Variants in TARS2 observed in about 807,000 individuals in gnomAD.
TARS2 encodes the protein threonine--tRNA ligase, mitochondrial.
TARS2 carries 61 observed loss-of-function variants against 94.4 expected under a neutral mutation model. The observed-to-expected ratio is 0.65, with a 90% CI of 0.53 to 0.80. TARS2 has a LOEUF of 0.80. TARS2 is among the 30% of genes least tolerant of loss of function. The pLI is 0.00. For missense variants in TARS2, 704 were observed against 902.5 expected, an observed-to-expected ratio of 0.78 and a Z score of 2.82; for synonymous variants, 359 against 353.4, an observed-to-expected ratio of 1.02 and a Z score of -0.18.
chr1:150,496,390 G>C, intron 7 of TARS2, 92 bp from the exon 8 acceptor site: 1 of 1,458,620 alleles, frequency 6.9e-7, no homozygotes, highest in Non-Finnish European at 9.2e-7. Context: ...GCATACCTGT[G>C]ACACTTAACA....
intron 7 of TARS2, among the ~76,000 whole-genome samples, chr1:150,495,902 A>G (rs888418240): frequency 2.0e-5 from 3 of 151,508 alleles, no homozygotes; most frequent in East Asian, 1.9e-4. Context: ...TTGTATTTTT[A>G]GTAGAGACGG....
chr1:150,496,463 C>T lies in TARS2; in HGVS notation c.775-19C>T, dbSNP rs774499614. The T allele has an allele frequency of 1.9e-6, 3 of 1,577,164 alleles. No individual in the cohort carries two copies. Among genetic ancestry groups the T allele is most frequent in the Admixed American group, 3.6e-5 (2 of 54,870 alleles). ...CTTCAGTCCTCATCTTTCCTTTGAT[C>T]CCCTATGTCCTCACACAGAACTCAT... On this transcript the variant is annotated intron_variant, in intron 7 of 17. Coordinates refer to ENST00000369064, the MANE Select transcript of TARS2 (RefSeq NM_025150.5).
rs778842262 is a variant in TARS2, at chr1:150,497,701, A to G, written c.1192A>G (p.Ile398Val). The G allele has an allele frequency of 1.2e-6, 2 of 1,614,074 alleles. No individual in the cohort carries two copies. Among genetic ancestry groups the G allele is most frequent in the African/African-American group, 1.3e-5 (1 of 74,938 alleles). ...CCAGAGTGACGATTCTACCAGGCAT[A>G]TCACAGATACACTCGCCCTCAAGCC... ...SSQSDDSTRH[I>V]TDTLALKPMN... Residue 398 changes from isoleucine (I) to valine (V), a missense_variant, in exon 10 of 18, where the codon ATC becomes GTC. Physicochemically the swap from Ile to Val is conservative, Grantham distance 29 (BLOSUM62 3). Around this residue, in one of 3 missense-constraint regions of TARS2, gnomAD observed 466 missense variants for 609.5 expected, o/e 0.76. Transcript: ENST00000369064.
intron 6 of TARS2, 52 bp downstream of exon 6, chr1:150,491,714 A>C (rs763766062): frequency 6.4e-7 from 1 of 1,574,348 alleles, no homozygotes. Flanking sequence ...GCATTGAAGA[A>C]GGCCAGAAAT....
chr1:150,497,749 T>G lies in TARS2; in HGVS notation c.1238+2T>G, dbSNP rs1669731579. On this transcript the variant is annotated splice_donor_variant, in intron 10 of 17. Coordinates refer to ENST00000369064, the MANE Select transcript of TARS2 (RefSeq NM_025150.5). LOFTEE classifies it high-confidence loss of function. Reference sequence around the variant, plus strand: ...GCCTATGAACTGCCCTGCACACTGGTAAGCTGGGAGCTAGGGTTACAATCA... The same window carrying G: ...GCCTATGAACTGCCCTGCACACTGGGAAGCTGGGAGCTAGGGTTACAATCA... 2 of 1,613,310 alleles carry G rather than the reference T, an allele frequency of 1.2e-6. No individual in the cohort carries two copies. Among genetic ancestry groups the G allele is most frequent in the Non-Finnish European group, 1.7e-6 (2 of 1,179,696 alleles).
At chr1:150,497,424 G>T in intron 9 of TARS2, 106 bp from the exon 10 acceptor site, 4 of 1,012,618 alleles carry the variant, frequency 4.0e-6, no homozygotes. Context: ...ATAGGTTGTG[G>T]TTGCAATCAG....
At chr1:150,499,705 A>G (rs1401350882) in intron 13 of TARS2, among the ~76,000 whole-genome samples, 2 of 152,132 alleles carry the variant, frequency 1.3e-5, no homozygotes, top group Non-Finnish European at 1.5e-5. Flanking sequence ...ATATAAAGAA[A>G]AACAATATAC....
intron 13 of TARS2, 148 bp from the exon 14 acceptor site, chr1:150,504,187 G>T: frequency 2.9e-6 from 2 of 678,888 alleles, no homozygotes; most frequent in Admixed American, 4.7e-5. Flanking sequence ...AACTGGAGGG[G>T]TAGCGTATGA....
In TARS2 at chr1:150,487,443, G is replaced by C; in HGVS notation, c.-8G>C. 1.2e-6 allele frequency: 2 copies of C among 1,614,234 alleles called. No homozygotes were observed. The highest frequency in any genetic ancestry group is 2.2e-5 in the East Asian group (1 of 44,872). On this transcript the variant is annotated 5_prime_UTR_variant, in exon 1 of 18. Coordinates refer to ENST00000369064, the MANE Select transcript of TARS2 (RefSeq NM_025150.5). ...TGTTTGAGGATGTAGGCACTGGTGT[G>C]AAGGAACATGGCCCTGTATCAGAGG... is the stretch of plus-strand genomic sequence containing the variant.
chr1:150,489,277 T>C (rs1205324260), intron 3 of TARS2, 190 bp downstream of exon 3: 2 of 761,758 alleles, frequency 2.6e-6, no homozygotes, highest in South Asian at 1.7e-5. Context: ...CTTCGATCTA[T>C]TAAGCAAACA....
chr1:150,487,649 T>G lies in TARS2; in HGVS notation c.66+133T>G, dbSNP rs896208579. 4.9e-5 allele frequency: 65 copies of G among 1,326,710 alleles called. 1 individual carries two copies. The highest frequency in any genetic ancestry group is 5.2e-4 in the Middle Eastern group (2 of 3,872). The allele number at this position is 1,326,710 out of a possible 1,614,324, so 82.2% of individuals were successfully genotyped here. The stretch of plus-strand genomic sequence containing the variant: ...CTCCGAGTCCCCAGAAAAGGACTCG[T>G]ATCTAAACTCGTTATCTAATTCTCG... On this transcript the variant is annotated intron_variant, in intron 1 of 17. Coordinates refer to ENST00000369064, the MANE Select transcript of TARS2 (RefSeq NM_025150.5).
At chr1:150,490,376 C>T (rs1389920659) in intron 3 of TARS2, among the ~76,000 whole-genome samples, 2 of 152,028 alleles carry the variant, frequency 1.3e-5, no homozygotes, top group Non-Finnish European at 2.9e-5. Flanking sequence ...GCCTTGACCT[C>T]CTGAAGTGTT....
At chr1:150,488,655 G>A (rs1669252135) in intron 2 of TARS2, 1 of 251,824 alleles carries the variant, frequency 4.0e-6, no homozygotes, top group African/African-American at 2.3e-5. Context: ...ATTTCTTTGT[G>A]TTGGGACTAT....
chr1:150,489,897 G>A (rs916844508), intron 3 of TARS2, among the ~76,000 whole-genome samples: 3 of 152,022 alleles, frequency 2.0e-5, no homozygotes, highest in Admixed American at 6.6e-5. Context: ...AGCTGAGATC[G>A]CGTCATTGCA....
At chr1:150,491,984 TG>T in intron 6 of TARS2, 2 of 273,382 alleles carry the variant, frequency 7.3e-6, no homozygotes, top group South Asian at 4.0e-5. Context: ...TTTTTTTTTT[TG>T]AGATGAAGTC....
Position 150,498,947 on chromosome 1 carries a change from C to T in TARS2, c.1452C>T (p.Ala484=), listed in dbSNP as rs587773546. ...TTGATTTCCTCCGTTCCGTCTATGC[C>T]GTTCTTGGCTTCTCCTTCCGCCTGG... The part of the protein sequence containing the change: ...SCLDFLRSVY[A]VLGFSFRLAL... The change falls in exon 12 of 18, where the codon GCC becomes GCT. Residue 484 remains alanine, a synonymous_variant. Coordinates refer to ENST00000369064, the MANE Select transcript of TARS2 (RefSeq NM_025150.5). 8 of 1,614,220 alleles carry T rather than the reference C, an allele frequency of 5.0e-6. No individual in the cohort carries two copies. The Admixed American group carries it at 6.7e-5, about 13-fold the overall frequency.
intron 4 of TARS2, 84 bp from the exon 5 acceptor site, chr1:150,491,310 C>A: frequency 7.4e-7 from 1 of 1,358,118 alleles, no homozygotes; most frequent in Non-Finnish European, 1.1e-6. Context: ...AAGGACAGGA[C>A]CTTACCCGCT....
chr1:150,491,428 C>T lies in TARS2; in HGVS notation c.547C>T (p.Arg183Trp), dbSNP rs768821693. 5 of 1,613,368 alleles carry T rather than the reference C, an allele frequency of 3.1e-6. No homozygotes were observed. Among genetic ancestry groups the T allele is most frequent in the African/African-American group, 2.7e-5 (2 of 74,900 alleles). Residue 183 changes from arginine (R) to tryptophan (W), a missense_variant, in exon 5 of 18, where the codon CGG becomes TGG. Physicochemically the swap from Arg to Trp is moderately radical, Grantham distance 101. Coordinates refer to ENST00000369064, the MANE Select transcript of TARS2 (RefSeq NM_025150.5). ...IRGSELPVLE[R>W]ICQELTAAAR... ...GGGCTCAGAGCTGCCTGTTTTGGAG[C>T]GGATTTGCCAGGAACTTACAGCTGC...
At chr1:150,493,235 C>T (rs998249357) in intron 7 of TARS2, among the ~76,000 whole-genome samples, 1 of 151,980 alleles carries the variant, frequency 6.6e-6, no homozygotes, top group Non-Finnish European at 1.5e-5. Context: ...TCTAAAAACC[C>T]GTTTGATGGC....
Sources: allele counts gnomAD v4.1 joint callset (sites outside exome capture counted in the v4.1 genomes callset), GRCh38; gene constraint gnomAD v4.1.1; regional missense constraint gnomAD v4.1.1; transcripts MANE v1.5; gene names NCBI Gene and HGNC (gene_info 2026-07-23, HGNC 2026-07-21).